SLC33A1: variants seen among roughly 807,000 people sequenced by gnomAD.
SLC33A1 encodes solute carrier family 33 member 1, also known as acetyl-coenzyme A transporter 1.
SLC33A1 carries 20 observed loss-of-function variants against 50.0 expected under a neutral mutation model. That is an observed-to-expected ratio of 0.40 (90% CI 0.28 to 0.58). The LOEUF is 0.58. SLC33A1 is among the 20% of genes least tolerant of loss of function. The pLI, the probability that SLC33A1 is intolerant of heterozygous loss-of-function variation, is 0.44. For missense variants in SLC33A1, 476 were observed against 657.0 expected, an observed-to-expected ratio of 0.72 and a Z score of 3.01; for synonymous variants, 265 against 251.8, an observed-to-expected ratio of 1.05 and a Z score of -0.50.
intron 2 of SLC33A1, among the ~76,000 whole-genome samples, chr3:155,838,536 C>T (rs888037622): frequency 7.9e-5 from 12 of 151,582 alleles, no homozygotes; most frequent in African/African-American, 2.9e-4. Flanking sequence ...CAAAAATTAG[C>T]CGGGTGTGGT....
At chr3:155,840,336 C>T (rs2107973904) in intron 2 of SLC33A1, among the ~76,000 whole-genome samples, 2 of 151,980 alleles carry the variant, frequency 1.3e-5, no homozygotes, top group East Asian at 3.9e-4. Flanking sequence ...GATCAGCCCA[C>T]CTTGGCCTCC....
Position 155,833,527 on chromosome 3 carries a change from G to C in SLC33A1, c.1207C>G (p.Gln403Glu). The change falls in exon 4 of 6, where the codon CAA becomes GAA. Residue 403 changes from glutamine (Q) to glutamate (E), a missense_variant. Transcript: ENST00000643144. ...LVWWTPKVEH[Q>E]GGFPIYYYIV... Reference sequence around the variant, plus strand: ...TAGTAATATATAGGGAATCCCCCTTGATGTTCTACTTTAGGAGTCCACCAA... The same window carrying C: ...TAGTAATATATAGGGAATCCCCCTTCATGTTCTACTTTAGGAGTCCACCAA... 1 of 1,604,818 alleles carries C rather than the reference G, an allele frequency of 6.2e-7. No homozygotes were observed. Among genetic ancestry groups the C allele is most frequent in the Non-Finnish European group, 8.5e-7 (1 of 1,171,772 alleles).
Position 155,854,250 on chromosome 3 carries a change from G to T in SLC33A1, c.-253C>A. The T allele has an allele frequency of 2.7e-6, 1 of 369,348 alleles. No individual in the cohort carries two copies. The allele number at this position is 369,348 out of a possible 1,614,324, so 22.9% of individuals were successfully genotyped here. A position where few individuals can be genotyped will look rare whatever the true frequency, so the allele number is the denominator to read the frequency against. The stretch of plus-strand genomic sequence containing the variant: ...GAACGGCGTCAAAGAGCCTGAAGGA[G>T]ACCCCCGGGCAGCAGCGCCGGGCTC... On this transcript the variant is annotated 5_prime_UTR_variant, in exon 1 of 6. Transcript: ENST00000643144.
In SLC33A1 at chr3:155,824,078, T is replaced by C. The variant is rs1752150115; in HGVS notation, c.*4132A>G. On this transcript the variant is annotated 3_prime_UTR_variant, in exon 6 of 6. Coordinates refer to ENST00000643144, the MANE Select transcript of SLC33A1 (RefSeq NM_004733.4). ...TGTGCCTCGCTATCTACCAAAGACA[T>C]TGGTTAAAAAAAAGTCTCAGCAGTT... The C allele has an allele frequency of 1.3e-5, 2 of 152,082 alleles. No homozygotes were observed. Among genetic ancestry groups the C allele is most frequent in the South Asian group, 2.1e-4 (1 of 4,826 alleles). The allele number at this position is 152,082 out of a possible 1,614,324, so 9.4% of individuals were successfully genotyped here.
At chr3:155,830,012 A>G in intron 4 of SLC33A1, 109 bp from the exon 5 acceptor site, 2 of 741,654 alleles carry the variant, frequency 2.7e-6, no homozygotes, top group Non-Finnish European at 4.6e-6. Context: ...CATGGTATTT[A>G]TTGAACTCAA....
chr3:155,854,088 C>T lies in SLC33A1; in HGVS notation c.-91G>A. 2.7e-6 allele frequency: 3 copies of T among 1,115,456 alleles called. No individual in the cohort carries two copies. Among genetic ancestry groups the T allele is most frequent in the Non-Finnish European group, 2.5e-6 (2 of 798,678 alleles). The allele number at this position is 1,115,456 out of a possible 1,614,324, so 69.1% of individuals were successfully genotyped here. A position where few individuals can be genotyped will look rare whatever the true frequency, so the allele number is the denominator to read the frequency against. The stretch of plus-strand genomic sequence containing the variant: ...CCAGGTCCAAGGCTGTCGCGCTGGA[C>T]CAGGGTTTCGGTGGTTCACGGGATG... On this transcript the variant is annotated 5_prime_UTR_variant, in exon 1 of 6. Coordinates refer to ENST00000643144, the MANE Select transcript of SLC33A1 (RefSeq NM_004733.4).
chr3:155,836,239 G>A (rs181988565), intron 2 of SLC33A1, among the ~76,000 whole-genome samples: 177 of 116,644 alleles, frequency 1.5e-3, no homozygotes, highest in Non-Finnish European at 1.5e-3. Flanking sequence ...AGCCAAGATC[G>A]CGCCACTGCA....
At position 155,833,488 on chromosome 3, in the gene SLC33A1, G is replaced by A. The variant is rs1752528150; in HGVS notation, c.1246C>T (p.Leu416=). The A allele has an allele frequency of 6.4e-7, 1 of 1,560,618 alleles. No individual in the cohort carries two copies. Among genetic ancestry groups the A allele is most frequent in the East Asian group, 2.2e-5 (1 of 44,624 alleles). ...FPIYYYIVVL[L]SYALHQVTVY... ...CTTACCTGATGTAAAGCATAACTCAGCAGGACTACGATATAGTAATATATA... is the reference window on the plus strand; with the variant it reads ...CTTACCTGATGTAAAGCATAACTCAACAGGACTACGATATAGTAATATATA... Residue 416 remains leucine (L), a synonymous_variant, in exon 4 of 6, where the codon CTG becomes TTG. Coordinates refer to ENST00000643144, the MANE Select transcript of SLC33A1 (RefSeq NM_004733.4).
At chr3:155,830,086 G>T (rs367543638) in intron 4 of SLC33A1, among the ~76,000 whole-genome samples, 183 bp from the exon 5 acceptor site, 21 of 151,996 alleles carry the variant, frequency 1.4e-4, no homozygotes, top group African/African-American at 5.1e-4. Context: ...AATACAGGCC[G>T]GGCGCGGTGG....
intron 2 of SLC33A1, among the ~76,000 whole-genome samples, chr3:155,839,545 A>G (rs887312858): frequency 1.3e-5 from 2 of 152,128 alleles, no homozygotes; most frequent in African/African-American, 4.8e-5. Context: ...TAACTATATC[A>G]TGTAGCTACT....
At chr3:155,830,915 A>G (rs1752400358) in intron 4 of SLC33A1, among the ~76,000 whole-genome samples, 1 of 152,178 alleles carries the variant, frequency 6.6e-6, no homozygotes, top group Non-Finnish European at 1.5e-5. Context: ...AGATGGAAAC[A>G]AACTGTGTTT....
chr3:155,853,576 T>C lies in SLC33A1; in HGVS notation c.422A>G (p.Lys141Arg), dbSNP rs1441690570. The change falls in exon 1 of 6, where the codon AAA becomes AGA. Residue 141 changes from lysine (K) to arginine (R), a missense_variant. Transcript: ENST00000643144. The part of the protein sequence containing the change: ...AVYVKNFGRR[K>R]SWLVPTQYIL... ...ATACTGTGTCGGGACAAGCCAAGAT[T>C]TGCGACGACCGAAGTTCTTAACGTA... 6.2e-7 allele frequency: 1 copy of C among 1,614,026 alleles called. No homozygotes were observed. The highest frequency in any genetic ancestry group is 2.2e-5 in the East Asian group (1 of 44,898).
intron 1 of SLC33A1, among the ~76,000 whole-genome samples, chr3:155,849,894 C>T (rs934550131): frequency 2.1e-4 from 30 of 140,064 alleles, no homozygotes; most frequent in Non-Finnish European, 1.2e-4. Flanking sequence ...GGCGACAGAG[C>T]GAGACTCCAT....
intron 1 of SLC33A1, among the ~76,000 whole-genome samples, chr3:155,847,663 G>C (rs1040752051): frequency 6.6e-6 from 1 of 151,816 alleles, no homozygotes; most frequent in African/African-American, 2.4e-5. Context: ...CAGGAGAATC[G>C]CTTGAACCTG....
intron 2 of SLC33A1, among the ~76,000 whole-genome samples, chr3:155,839,624 T>C (rs147705143): frequency 3.9e-5 from 6 of 152,060 alleles, no homozygotes; most frequent in Non-Finnish European, 7.4e-5. Flanking sequence ...AGATAAAAAA[T>C]TATATATGAT....
At chr3:155,844,457 AT>A (rs869180951) in intron 1 of SLC33A1, among the ~76,000 whole-genome samples, 7 of 33,562 alleles carry the variant, frequency 2.1e-4, no homozygotes, top group Admixed American at 5.0e-4. Flanking sequence ...ATATATATAT[AT>A]TTTTTTTTTT....
In SLC33A1 at chr3:155,853,367, C is replaced by A; in HGVS notation, c.631G>T (p.Gly211Cys). 6 of 1,614,080 alleles carry A rather than the reference C, an allele frequency of 3.7e-6. No individual in the cohort carries two copies. The highest frequency in any genetic ancestry group is 5.1e-6 in the Non-Finnish European group (6 of 1,180,028). The change falls in exon 1 of 6, where the codon GGT becomes TGT. Residue 211 changes from glycine (G) to cysteine (C), a missense_variant. By Grantham distance (159) the Gly-to-Cys change is radical (BLOSUM62 -3). Coordinates refer to ENST00000643144, the MANE Select transcript of SLC33A1 (RefSeq NM_004733.4). Reference sequence around the variant, plus strand: ...ACCGAATTGCAAGTAGAAGCATAACCCACATTTTCCCTGGATAACATAGTT... The same window carrying A: ...ACCGAATTGCAAGTAGAAGCATAACACACATTTTCCCTGGATAACATAGTT... ...ALTMLSRENV[G>C]YASTCNSVGQ...
rs1384123036 is a variant in SLC33A1, at chr3:155,822,358, C to G, written c.*5852G>C. The G allele has an allele frequency of 6.6e-6, 1 of 151,964 alleles. No homozygotes were observed. The highest frequency in any genetic ancestry group is 2.4e-5 in the African/African-American group (1 of 41,362). The allele number at this position is 151,964 out of a possible 1,614,324, so 9.4% of individuals were successfully genotyped here. A position where few individuals can be genotyped will look rare whatever the true frequency, so the allele number is the denominator to read the frequency against. On this transcript the variant is annotated 3_prime_UTR_variant, in exon 6 of 6. Coordinates refer to ENST00000643144, the MANE Select transcript of SLC33A1 (RefSeq NM_004733.4). Reference sequence around the variant, plus strand: ...ATCCCAGCACTTTGGGAGGCCGAGGCAGGCAGATCACGAGGTCAGGAGTTT... The same window carrying G: ...ATCCCAGCACTTTGGGAGGCCGAGGGAGGCAGATCACGAGGTCAGGAGTTT...
Position 155,854,030 on chromosome 3 carries a change from G to C in SLC33A1, c.-33C>G, listed in dbSNP as rs192078418. 626 of 1,516,104 alleles carry C rather than the reference G, an allele frequency of 4.1e-4. 2 individuals carry two copies. The African/African-American group carries it at 7.7e-3, about 19-fold the overall frequency. 93.9% of individuals were successfully genotyped at this position (1,516,104 alleles called of 1,614,324 possible). On this transcript the variant is annotated 5_prime_UTR_variant, in exon 1 of 6. Coordinates refer to ENST00000643144, the MANE Select transcript of SLC33A1 (RefSeq NM_004733.4). ...ACGATGCAGAGCCCCGTCTGTGGGG[G>C]GCCGAGGCTGAGCGTTTTGGATCCG...
Sources: allele counts gnomAD v4.1 joint callset (sites outside exome capture counted in the v4.1 genomes callset), GRCh38; gene constraint gnomAD v4.1.1; transcripts MANE v1.5; gene names NCBI Gene and HGNC (gene_info 2026-07-23, HGNC 2026-07-21).